The following ZNF850 variants were observed in gnomAD, a reference collection of about 807,000 sequenced individuals.
The protein encoded by ZNF850 is zinc finger protein 850.
In ZNF850, 2 loss-of-function variants were observed where a neutral mutation model predicts 11.9. The ratio of observed to expected loss-of-function variants is 0.17; its 90% CI spans 0.07 to 0.53. The LOEUF is 0.53. Among genes scored for constraint, ZNF850 ranks in the 20% least tolerant of loss-of-function variants. The probability of loss-of-function intolerance (pLI) is 0.94; values close to 1 mark genes in which losing one functional copy is unlikely to be tolerated. For missense variants in ZNF850, 1,014 were observed against 1,316.4 expected, an observed-to-expected ratio of 0.77 and a Z score of 3.55; for synonymous variants, 381 against 443.0, an observed-to-expected ratio of 0.86 and a Z score of 1.76.
At chr19:36,750,898 T>C (rs2145956871) in intron 4 of ZNF850, 94 bp from the exon 5 acceptor site, 1 of 1,296,872 alleles carries the variant, frequency 7.7e-7, no homozygotes, top group Non-Finnish European at 1.0e-6. Flanking sequence ...CTGAAAATAA[T>C]GTCCTTAAGA....
Position 36,749,979 on chromosome 19 carries a change from C to T in ZNF850, c.1061G>A (p.Arg354Gln), listed in dbSNP as rs546527179. The change falls in exon 5 of 5, where the codon CGA becomes CAA. Residue 354 changes from arginine (R) to glutamine (Q), a missense_variant. Arg to Gln is a conservative substitution (Grantham distance 43). Transcript: ENST00000591344. ...KSFASGSALI[R>Q]HQRIHTGEKP... ...CTCACCAGTGTGAATTCGCTGATGT[C>T]GAATTAGTGCTGAGCCTGAAGCAAA... 3.6e-5 allele frequency: 56 copies of T among 1,556,870 alleles called. 1 individual carries two copies. In the Admixed American group the frequency reaches 5.6e-4, roughly 15 times the overall value.
rs188696154 is a variant in ZNF850, at chr19:36,756,648, C to G, written c.235+4995G>C. Among the ~76,000 whole-genome samples, 44 of 152,290 alleles carry G rather than the reference C, an allele frequency of 2.9e-4. No homozygotes were observed. The East Asian group carries it at 8.5e-3, about 29-fold the overall frequency. On this transcript the variant is annotated intron_variant, in intron 4 of 4. Coordinates refer to ENST00000591344, the MANE Select transcript of ZNF850 (RefSeq NM_001193552.2). ...TTCCCCCTCAAGACAGAGTCTTGCT[C>G]TGTTGCCTAGGCTGGAGTACAATGG...
Position 36,748,615 on chromosome 19 carries a change from C to A in ZNF850, c.2425G>T (p.Gly809Cys). ...TCCTTGCAATGATAAGGTTTCTCAC[C>A]AGTGTGAAGTGGCTGATGTTGAATT... The part of the protein sequence containing the change: ...TLIQHQPLHT[G>C]EKPYHCKECG... The change falls in exon 5 of 5, where the codon GGT becomes TGT. Residue 809 changes from glycine (G) to cysteine (C), a missense_variant. By Grantham distance (159) the Gly-to-Cys change is radical (BLOSUM62 -3). Around this residue, in one of 2 missense-constraint regions of ZNF850, gnomAD observed 835 missense variants for 1,022.0 expected, o/e 0.82. Transcript: ENST00000591344. 6.5e-7 allele frequency: 1 copy of A among 1,537,206 alleles called. No homozygotes were observed. Among genetic ancestry groups the A allele is most frequent in the Non-Finnish European group, 8.7e-7 (1 of 1,146,926 alleles).
intron 1 of ZNF850, among the ~76,000 whole-genome samples, chr19:36,770,556 A>AT (rs1335467293): frequency 6.6e-6 from 1 of 151,796 alleles, no homozygotes; most frequent in Non-Finnish European, 1.5e-5. Flanking sequence ...AAATACAAAA[A>AT]TTAGCCGGGC....
intron 4 of ZNF850, among the ~76,000 whole-genome samples, chr19:36,759,899 C>A (rs953653977): frequency 5.9e-5 from 9 of 152,144 alleles, no homozygotes; most frequent in Non-Finnish European, 1.5e-5. Context: ...CTACTTACAG[C>A]CCAATTTTTG....
chr19:36,769,273 AAAAAAAG>A (rs1600618340), intron 1 of ZNF850, among the ~76,000 whole-genome samples: 3 of 121,712 alleles, frequency 2.5e-5, no homozygotes, highest in East Asian at 2.2e-4. Context: ...AAAAAAAAAA[AAAAAAAG>A]AAAGAAAGAA....
chr19:36,772,279 A>T (rs1276906614), intron 1 of ZNF850, among the ~76,000 whole-genome samples: 1 of 152,016 alleles, frequency 6.6e-6, no homozygotes, highest in Non-Finnish European at 1.5e-5. Flanking sequence ...CTGCCTAAAG[A>T]GTTTTTTCTC....
intron 1 of ZNF850, among the ~76,000 whole-genome samples, chr19:36,767,233 T>A (rs1469795844): frequency 6.9e-6 from 1 of 144,510 alleles, no homozygotes; most frequent in African/African-American, 2.6e-5. Flanking sequence ...CGAGACTCAG[T>A]ATCAAAATAT....
rs769869392 is a variant in ZNF850, at chr19:36,748,263, C to T, written c.2777G>A (p.Arg926Gln). 13 of 1,554,032 alleles carry T rather than the reference C, an allele frequency of 8.4e-6. No homozygotes were observed. Among genetic ancestry groups the T allele is most frequent in the East Asian group, 2.4e-5 (1 of 41,542 alleles). The change falls in exon 5 of 5, where the codon CGA (arginine) becomes CAA (glutamine). Residue 926 changes from arginine to glutamine, a missense_variant. This residue lies in a region of ZNF850 where 179 missense variants were observed against 294.4 expected (regional missense o/e 0.61). Coordinates refer to ENST00000591344, the MANE Select transcript of ZNF850 (RefSeq NM_001193552.2). Reference protein sequence around the residue: ...QRIHTGEKPYRCHECGKAFVR... With the variant: ...QRIHTGEKPYQCHECGKAFVR... ...AAAGGCTTTTCCACATTCATGACAT[C>T]GATAAGGTTTCTCACCAGTATGGAT...
At chr19:36,763,311 C>T (rs914960303) in intron 1 of ZNF850, among the ~76,000 whole-genome samples, 4 of 152,118 alleles carry the variant, frequency 2.6e-5, no homozygotes, top group African/African-American at 7.2e-5. Flanking sequence ...GAGGCCAAGG[C>T]GGATGGATCA....
rs1159305170 is a variant in ZNF850 at position 36,746,564 on chromosome 19, G to C, written c.*1203C>G. ...GGGGTTTCAACATGTTGGCCAGGCT[G>C]GTCTTGAACTCTTAACCTCAGGTGA... On this transcript the variant is annotated 3_prime_UTR_variant, in exon 5 of 5. Coordinates refer to ENST00000591344, the MANE Select transcript of ZNF850 (RefSeq NM_001193552.2). 6.6e-6 allele frequency: 1 copy of C among 152,034 alleles called. No homozygotes were observed. Among genetic ancestry groups the C allele is most frequent in the Non-Finnish European group, 1.5e-5 (1 of 68,056 alleles). The allele number at this position is 152,034 out of a possible 1,614,324, so 9.4% of individuals were successfully genotyped here.
chr19:36,758,084 A>G (rs934548010), intron 4 of ZNF850, among the ~76,000 whole-genome samples: 1 of 152,250 alleles, frequency 6.6e-6, no homozygotes, highest in African/African-American at 2.4e-5. Flanking sequence ...CACAGCTTTC[A>G]TGAACCATCT....
chr19:36,765,796 C>G (rs1346318088), intron 1 of ZNF850, among the ~76,000 whole-genome samples: 8 of 152,034 alleles, frequency 5.3e-5, no homozygotes, highest in Admixed American at 3.9e-4. Flanking sequence ...GTTGGTCAGG[C>G]TGGTATCAAA....
intron 1 of ZNF850, among the ~76,000 whole-genome samples, chr19:36,770,886 G>T (rs1371688605): frequency 1.3e-5 from 2 of 152,052 alleles, no homozygotes; most frequent in Admixed American, 6.6e-5. Context: ...TTTACTCACA[G>T]ATGACTGGGC....
rs2040425847 is a variant in ZNF850, at chr19:36,748,278, C to T, written c.2762G>A (p.Gly921Asp). 1 of 1,562,090 alleles carries T rather than the reference C, an allele frequency of 6.4e-7. No individual in the cohort carries two copies. Among genetic ancestry groups the T allele is most frequent in the South Asian group, 1.2e-5 (1 of 85,654 alleles). Residue 921 changes from glycine to aspartate, a missense_variant, in exon 5 of 5, where the codon GGT (glycine) becomes GAT (aspartate). Physicochemically the swap from Gly to Asp is moderately conservative, Grantham distance 94. Around this residue, in one of 2 missense-constraint regions of ZNF850, gnomAD observed 179 missense variants for 294.4 expected, o/e 0.61. Transcript: ENST00000591344. ...KLTQHQRIHT[G>D]EKPYRCHECG... ...TTCATGACATCGATAAGGTTTCTCACCAGTATGGATTCGTTGATGTTGAGT... is the reference window on the plus strand; with the variant it reads ...TTCATGACATCGATAAGGTTTCTCATCAGTATGGATTCGTTGATGTTGAGT...
At chr19:36,766,530 A>G (rs2040550447) in intron 1 of ZNF850, among the ~76,000 whole-genome samples, 1 of 152,156 alleles carries the variant, frequency 6.6e-6, no homozygotes. Flanking sequence ...AATGGCTTAT[A>G]ACTTTCCTAA....
At chr19:36,768,727 C>G (rs1362952681) in intron 1 of ZNF850, among the ~76,000 whole-genome samples, 1 of 151,844 alleles carries the variant, frequency 6.6e-6, no homozygotes, top group African/African-American at 2.4e-5. Flanking sequence ...CTTTGGGAGG[C>G]TCAGGTTGGA....
chr19:36,750,241 G>C lies in ZNF850; in HGVS notation c.799C>G (p.His267Asp). ...TGAATTCTCCAATGTTGAATAAGAT[G>C]TGCAGACGGTCTAAAGGCCTTCACG... Reference protein sequence around the residue: ...ESVKAFRPSAHLIQHWRIHTG... With the variant: ...ESVKAFRPSADLIQHWRIHTG... The change falls in exon 5 of 5, where the codon CAT becomes GAT. Residue 267 changes from histidine (H) to aspartate (D), a missense_variant. Around this residue, in one of 2 missense-constraint regions of ZNF850, gnomAD observed 835 missense variants for 1,022.0 expected, o/e 0.82. Coordinates refer to ENST00000591344, the MANE Select transcript of ZNF850 (RefSeq NM_001193552.2). The C allele has an allele frequency of 6.5e-7, 1 of 1,537,844 alleles. No homozygotes were observed. Among genetic ancestry groups the C allele is most frequent in the Non-Finnish European group, 8.7e-7 (1 of 1,146,848 alleles).
At chr19:36,761,786 C>T (rs1344577881) in intron 3 of ZNF850, 48 bp from the exon 4 acceptor site, 1 of 1,184,952 alleles carries the variant, frequency 8.4e-7, no homozygotes, top group East Asian at 2.6e-5. Context: ...TGGCTCACTC[C>T]TATAATCCCA....
Sources: gnomAD v4.1 joint callset for allele counts (sites outside exome capture counted in the v4.1 genomes callset) on GRCh38, gnomAD v4.1.1 for gene constraint, gnomAD v4.1.1 regional missense constraint, MANE v1.5 for transcripts, NCBI Gene and HGNC (gene_info 2026-07-23, HGNC 2026-07-21) for gene names.